The following SLC26A6 variants were observed in gnomAD, a reference collection of about 807,000 sequenced individuals.
SLC26A6 encodes solute carrier family 26 member 6.
Under a neutral mutation model 87.1 loss-of-function variants are expected in SLC26A6, and 67 were observed. The observed-to-expected ratio is 0.77, with a 90% CI of 0.63 to 0.94. The LOEUF is 0.94. SLC26A6 is among the 40% of genes least tolerant of loss of function. The pLI is 0.00. For missense variants in SLC26A6, 902 were observed against 973.0 expected, an observed-to-expected ratio of 0.93 and a Z score of 0.97; for synonymous variants, 414 against 405.9, an observed-to-expected ratio of 1.02 and a Z score of -0.24.
intron 4 of SLC26A6, 75 bp from the exon 5 acceptor site, chr3:48,632,471 AGG>A: frequency 5.2e-6 from 8 of 1,543,778 alleles, no homozygotes. Context: ...CTTAAGAGAG[AGG>A]CCAGGAGACT....
In SLC26A6 at chr3:48,628,733, T is replaced by C. The variant is rs748388296; in HGVS notation, c.1600-19A>G. 3 of 1,610,304 alleles carry C rather than the reference T, an allele frequency of 1.9e-6. No homozygotes were observed. The highest frequency in any genetic ancestry group is 2.2e-5 in the East Asian group (1 of 44,770). ...CCTTGGCCTGGGGATGAGGCAGAAC[T>C]GGTGGTGGCTGAATCTCCTCTCTCC... On this transcript the variant is annotated intron_variant, in intron 14 of 20. Transcript: ENST00000395550. This position sits in a 1 kb window ranked among gnomAD's most constrained non-coding sequence, Gnocchi z 4.4.
chr3:48,627,659 C>T (rs1277709142), intron 17 of SLC26A6: 1 of 295,166 alleles, frequency 3.4e-6, no homozygotes, highest in Non-Finnish European at 6.2e-6. Context: ...TGATTTTCTC[C>T]CATATACCCC....
chr3:48,629,176 C>T (rs1201932654), intron 14 of SLC26A6, among the ~76,000 whole-genome samples: 2 of 152,190 alleles, frequency 1.3e-5, no homozygotes, highest in East Asian at 3.8e-4. Context: ...CCCCGCACTG[C>T]CTAATTGCAC....
At chr3:48,626,568 C>T in intron 19 of SLC26A6, 63 bp downstream of exon 19, 1 of 1,608,974 alleles carries the variant, frequency 6.2e-7, no homozygotes, top group Non-Finnish European at 8.5e-7. Context: ...ACTTGGAAAA[C>T]CCCTTGGCCA....
rs1229033945 is a variant in SLC26A6, at chr3:48,628,400, G to A, written c.1800+34C>T. The A allele has an allele frequency of 7.4e-6, 12 of 1,613,004 alleles. No individual in the cohort carries two copies. The highest frequency in any genetic ancestry group is 1.0e-5 in the Non-Finnish European group (12 of 1,179,812). Reference sequence around the variant, plus strand: ...AGGCTGGGGCAGGGAACAGGGGGCAGGAGATGGGGGTCACCAGACAAAAGG... The same window carrying A: ...AGGCTGGGGCAGGGAACAGGGGGCAAGAGATGGGGGTCACCAGACAAAAGG... On this transcript the variant is annotated intron_variant, in intron 16 of 20. Transcript: ENST00000395550. This position sits in a 1 kb window ranked among gnomAD's most constrained non-coding sequence, Gnocchi z 4.4.
In SLC26A6 at chr3:48,626,353, G is replaced by T. The variant is rs772561913; in HGVS notation, c.2130C>A (p.Ser710Arg). 3.5e-5 allele frequency: 57 copies of T among 1,613,834 alleles called. 1 individual carries two copies. The South Asian group carries it at 6.1e-4, about 17-fold the overall frequency. The change falls in exon 20 of 21, where the codon AGC (serine) becomes AGA (arginine). Residue 710 changes from serine (S) to arginine (R), a missense_variant and splice_region_variant. By Grantham distance (110) the Ser-to-Arg change is moderately radical (BLOSUM62 -1). Transcript: ENST00000395550. Reference protein sequence around the residue: ...EVEVYMAACHSPVVSQLEAGH... With the variant: ...EVEVYMAACHRPVVSQLEAGH... The stretch of plus-strand genomic sequence containing the variant: ...CAGCCTCAAGCTGGCTGACCACAGG[G>T]CCTGTGGGCAAGAAGTAGGCCTCCC...
chr3:48,630,046 C>T lies in SLC26A6; in HGVS notation c.1422+16G>A. 6.2e-7 allele frequency: 1 copy of T among 1,613,704 alleles called. No individual in the cohort carries two copies. The highest frequency in any genetic ancestry group is 8.5e-7 in the Non-Finnish European group (1 of 1,179,808). ...GGGGCTGCCCAGTCCCTGCCCTGGG[C>T]TCCCAGTGCACTCACCAGATCCGCC... On this transcript the variant is annotated intron_variant, in intron 12 of 20. Coordinates refer to ENST00000395550, the MANE Select transcript of SLC26A6 (RefSeq NM_022911.3).
rs2046638974 is a variant in SLC26A6, at chr3:48,626,875, C to T, written c.2073+1G>A. 1.2e-6 allele frequency: 2 copies of T among 1,612,604 alleles called. No individual in the cohort carries two copies. Among genetic ancestry groups the T allele is most frequent in the African/African-American group, 1.3e-5 (1 of 74,976 alleles). On this transcript the variant is annotated splice_donor_variant, in intron 18 of 20. Transcript: ENST00000395550. LOFTEE classifies it high-confidence loss of function. Reference sequence around the variant, plus strand: ...GGGCCTTGGCCTGCCCCCGTCCTTACATTCTTCAGGCTCTTGAGGCACACA... The same window carrying T: ...GGGCCTTGGCCTGCCCCCGTCCTTATATTCTTCAGGCTCTTGAGGCACACA...
At chr3:48,632,104 C>A in intron 5 of SLC26A6, 60 bp from the exon 6 acceptor site, 1 of 1,602,398 alleles carries the variant, frequency 6.2e-7, no homozygotes. Context: ...TAATGAGGAG[C>A]GCAGGGCAAG....
At chr3:48,630,285 C>T in intron 11 of SLC26A6, 128 bp from the exon 12 acceptor site, 3 of 1,312,390 alleles carry the variant, frequency 2.3e-6, no homozygotes, top group South Asian at 1.3e-5. Flanking sequence ...CCCACCCAGC[C>T]CCTGACCCTT....
In SLC26A6 at chr3:48,632,047, G is replaced by C. The variant is rs1280652636; in HGVS notation, c.586-3C>G. 6.2e-7 allele frequency: 1 copy of C among 1,613,066 alleles called. No individual in the cohort carries two copies. Among genetic ancestry groups the C allele is most frequent in the Non-Finnish European group, 8.5e-7 (1 of 1,179,814 alleles). On this transcript the variant is annotated splice_region_variant and splice_polypyrimidine_tract_variant and intron_variant, in intron 5 of 20. Coordinates refer to ENST00000395550, the MANE Select transcript of SLC26A6 (RefSeq NM_022911.3). ...AAGTGGATCAGGCCCAGCCCCACCT[G>C]TGGGGCGGCCAGGGGCAGTCAGGAG...
Position 48,628,226 on chromosome 3 carries a change from C to G in SLC26A6, c.1801-188G>C. ...GAAAGGGAAGAGGACTGTGACGGTT[C>G]TCACTGTCACTGGTTCAGATGATGG... On this transcript the variant is annotated intron_variant, in intron 16 of 20. Transcript: ENST00000395550. This position sits in a 1 kb window ranked among gnomAD's most constrained non-coding sequence, Gnocchi z 4.4. 1 of 762,796 alleles carries G rather than the reference C, an allele frequency of 1.3e-6. No homozygotes were observed. The highest frequency in any genetic ancestry group is 2.1e-6 in the Non-Finnish European group (1 of 478,106). The allele number at this position is 762,796 out of a possible 1,614,324, so 47.3% of individuals were successfully genotyped here. A position where few individuals can be genotyped will look rare whatever the true frequency, so the allele number is the denominator to read the frequency against.
chr3:48,628,280 C>T lies in SLC26A6; in HGVS notation c.1800+154G>A, dbSNP rs1332949043. 68 of 1,025,964 alleles carry T rather than the reference C, an allele frequency of 6.6e-5. No homozygotes were observed. The highest frequency in any genetic ancestry group is 9.3e-5 in the Non-Finnish European group (65 of 701,856). The allele number at this position is 1,025,964 out of a possible 1,614,324, so 63.6% of individuals were successfully genotyped here. A position where few individuals can be genotyped will look rare whatever the true frequency, so the allele number is the denominator to read the frequency against. ...AGAAAATGCTGCCTAGAGCCCGGACCTGCTAGGGGAGTGAAGCAGGGTCCC... is the reference window on the plus strand; with the variant it reads ...AGAAAATGCTGCCTAGAGCCCGGACTTGCTAGGGGAGTGAAGCAGGGTCCC... On this transcript the variant is annotated intron_variant, in intron 16 of 20. Transcript: ENST00000395550. The surrounding 1 kb of genome is among the most constrained non-coding windows in gnomAD (Gnocchi z 4.4).
In SLC26A6 at chr3:48,630,621, C is replaced by A. The variant is rs781386612; in HGVS notation, c.1234G>T (p.Gly412Trp). The A allele has an allele frequency of 1.3e-6, 2 of 1,583,412 alleles. No homozygotes were observed. The highest frequency in any genetic ancestry group is 2.3e-5 in the East Asian group (1 of 43,346). The change falls in exon 10 of 21, where the codon GGG becomes TGG. Residue 412 changes from glycine (G) to tryptophan (W), a missense_variant. Around this residue, in one of 3 missense-constraint regions of SLC26A6, gnomAD observed 800 missense variants for 856.8 expected, o/e 0.93. Transcript: ENST00000395550. Reference sequence around the variant, plus strand: ...CCAAAGCCCACCTGCGAGTTGCCCCCGGTGCTCTCCTGTACCAGGCTCCGA... The same window carrying A: ...CCAAAGCCCACCTGCGAGTTGCCCCAGGTGCTCTCCTGTACCAGGCTCCGA... Reference protein sequence around the residue: ...MSRSLVQESTGGNSQVAGAIS... With the variant: ...MSRSLVQESTWGNSQVAGAIS...
intron 3 of SLC26A6, 62 bp from the exon 4 acceptor site, chr3:48,633,146 C>A (rs2046857735): frequency 6.3e-7 from 1 of 1,583,370 alleles, no homozygotes; most frequent in African/African-American, 1.3e-5. Flanking sequence ...TAAGGGAATC[C>A]CAGCCCTGGG....
At position 48,632,044 on chromosome 3, in the gene SLC26A6, C is replaced by G. The variant is rs746736383; in HGVS notation, c.586G>C (p.Val196Leu). The G allele has an allele frequency of 1.9e-6, 3 of 1,613,006 alleles. No homozygotes were observed. Among genetic ancestry groups the G allele is most frequent in the Non-Finnish European group, 2.5e-6 (3 of 1,179,822 alleles). Residue 196 changes from valine to leucine, a missense_variant and splice_region_variant, in exon 6 of 21, where the codon GTG becomes CTG. By Grantham distance (32) the Val-to-Leu change is conservative. Around this residue, in one of 3 missense-constraint regions of SLC26A6, gnomAD observed 800 missense variants for 856.8 expected, o/e 0.93. Coordinates refer to ENST00000395550, the MANE Select transcript of SLC26A6 (RefSeq NM_022911.3). ...CCGAAGTGGATCAGGCCCAGCCCCACCTGTGGGGCGGCCAGGGGCAGTCAG... is the reference window on the plus strand; with the variant it reads ...CCGAAGTGGATCAGGCCCAGCCCCAGCTGTGGGGCGGCCAGGGGCAGTCAG... ...TLSVLVGLFQVGLGLIHFGFV... is the reference protein window; with the variant it reads ...TLSVLVGLFQLGLGLIHFGFV...
At chr3:48,632,596 G>A (rs1001797275) in intron 4 of SLC26A6, 200 bp from the exon 5 acceptor site, 14 of 751,490 alleles carry the variant, frequency 1.9e-5, no homozygotes, top group Non-Finnish European at 2.8e-5. Context: ...CCTTAAGCAT[G>A]GCTAGAAATG....
chr3:48,631,664 G>C lies in SLC26A6; in HGVS notation c.888C>G (p.Pro296=). ...KLQQQLPMPI[P]GELLTLIGAT... Reference sequence around the variant, plus strand: ...GCCCTCGAACCGTGAGCAGCTCCCCGGGTATCGGCATGGGCAGCTGCTGCT... The same window carrying C: ...GCCCTCGAACCGTGAGCAGCTCCCCCGGTATCGGCATGGGCAGCTGCTGCT... Residue 296 remains proline, a synonymous_variant, in exon 7 of 21, where the codon CCC becomes CCG. Transcript: ENST00000395550. 1 of 1,613,280 alleles carries C rather than the reference G, an allele frequency of 6.2e-7. No individual in the cohort carries two copies. Among genetic ancestry groups the C allele is most frequent in the Non-Finnish European group, 8.5e-7 (1 of 1,179,934 alleles).
At chr3:48,626,743 C>T (rs1353907783) in intron 18 of SLC26A6, 58 bp from the exon 19 acceptor site, 3 of 1,611,790 alleles carry the variant, frequency 1.9e-6, no homozygotes, top group Admixed American at 1.7e-5. Context: ...GAGGGGGGCT[C>T]GGGCAGGCTT....
Sources: allele counts gnomAD v4.1 joint callset (sites outside exome capture counted in the v4.1 genomes callset), GRCh38; gene constraint gnomAD v4.1.1; regional missense constraint gnomAD v4.1.1; non-coding constraint Gnocchi (gnomAD v3.1); transcripts MANE v1.5; gene names NCBI Gene and HGNC (gene_info 2026-07-23, HGNC 2026-07-21).